Variants in C11orf65 observed in about 807,000 individuals in gnomAD.
C11orf65 encodes protein MFI.
C11orf65 carries 38 observed loss-of-function variants against 35.3 expected under a neutral mutation model. The observed-to-expected ratio is 1.08, with a 90% CI of 0.83 to 1.41. The LOEUF is 1.41. Ranked by LOEUF, C11orf65 falls within the 40% of genes most tolerant of loss-of-function variation. C11orf65 has a pLI of 0.00. For missense variants in C11orf65, 370 were observed against 367.1 expected (o/e 1.01, Z -0.06); for synonymous variants, 105 against 114.4 (o/e 0.92, Z 0.53).
chr11:108,376,630 A>G (rs1428435021), intron 2 of C11orf65, among the ~76,000 whole-genome samples: 1 of 152,048 alleles, frequency 6.6e-6, no homozygotes, highest in Non-Finnish European at 1.5e-5. Flanking sequence ...AACTAAAATC[A>G]GAGCAGAACT....
At chr11:108,355,144 T>G in intron 2 of C11orf65, 1 of 460,732 alleles carries the variant, frequency 2.2e-6, no homozygotes, top group Non-Finnish European at 4.0e-6. Flanking sequence ...TCTTTGACAT[T>G]TAGATATTCC....
intron 6 of C11orf65, among the ~76,000 whole-genome samples, chr11:108,394,158 C>T (rs1056305214): frequency 5.3e-5 from 7 of 130,954 alleles, no homozygotes; most frequent in Admixed American, 4.9e-4. Flanking sequence ...CCAGCCTGGG[C>T]GACAGAGCAA....
At chr11:108,444,972 C>T (rs528020624) in intron 2 of C11orf65, among the ~76,000 whole-genome samples, 3 of 152,280 alleles carry the variant, frequency 2.0e-5, no homozygotes, top group South Asian at 2.1e-4. Flanking sequence ...ACACATGGCT[C>T]GGAGGGTCCT....
chr11:108,424,094 A>G (rs914298575), intron 3 of C11orf65, among the ~76,000 whole-genome samples: 31 of 152,268 alleles, frequency 2.0e-4, no homozygotes, highest in East Asian at 7.7e-4. Context: ...TAGAAGGTGG[A>G]TAACAAACTC....
intron 6 of C11orf65, among the ~76,000 whole-genome samples, chr11:108,318,662 C>T (rs1261357004): frequency 1.3e-5 from 2 of 152,046 alleles, no homozygotes; most frequent in African/African-American, 4.8e-5. Context: ...GCACCCCAGC[C>T]TGGGCGACAG....
At chr11:108,464,016 T>A (rs1170231456) in intron 1 of C11orf65, among the ~76,000 whole-genome samples, 1 of 142,468 alleles carries the variant, frequency 7.0e-6, no homozygotes, top group East Asian at 2.2e-4. Context: ...AACCTCCACC[T>A]CCCGGGTTCA....
chr11:108,418,039 T>C (rs1026769799), intron 3 of C11orf65, among the ~76,000 whole-genome samples: 1 of 151,728 alleles, frequency 6.6e-6, no homozygotes, highest in African/African-American at 2.4e-5. Context: ...GGACACACTT[T>C]ATAATGATAA....
chr11:108,413,939 G>A (rs2092693894), intron 3 of C11orf65, among the ~76,000 whole-genome samples: 1 of 152,046 alleles, frequency 6.6e-6, no homozygotes, highest in Non-Finnish European at 1.5e-5. Context: ...AAAATTTATA[G>A]TACTGAATGT....
At chr11:108,468,554 C>A (rs1363357083), upstream of C11orf65, among the ~76,000 whole-genome samples, 1 of 152,080 alleles carries the variant, frequency 6.6e-6, no homozygotes, top group Non-Finnish European at 1.5e-5. Context: ...AAAGAAACAC[C>A]TGAAGAGAAA....
intron 6 of C11orf65, 100 bp from the exon 7 acceptor site, chr11:108,393,478 T>C (rs2092219546): frequency 1.8e-6 from 2 of 1,113,528 alleles, no homozygotes; most frequent in East Asian, 2.5e-5. Context: ...ATTAAAACTA[T>C]TTGCATATTG....
intron 1 of C11orf65, among the ~76,000 whole-genome samples, chr11:108,466,743 TTTCAC>T (rs2093543949): frequency 6.6e-6 from 1 of 152,252 alleles, no homozygotes; most frequent in Non-Finnish European, 1.5e-5. Context: ...TAGATGATGT[TTTCAC>T]TTATTTATTT....
intron 2 of C11orf65, among the ~76,000 whole-genome samples, chr11:108,350,941 ATG>A (rs2089129547): frequency 6.6e-6 from 1 of 152,224 alleles, no homozygotes; most frequent in Admixed American, 6.5e-5. Context: ...TCCAACACAA[ATG>A]CATACATATG....
chr11:108,391,938 G>T (rs1008820539), intron 7 of C11orf65, among the ~76,000 whole-genome samples: 1 of 151,592 alleles, frequency 6.6e-6, no homozygotes, highest in Non-Finnish European at 1.5e-5. Context: ...TTTTTAAATA[G>T]AGGCGCTGTC....
At chr11:108,356,666 G>T (rs1054999177) in intron 2 of C11orf65, among the ~76,000 whole-genome samples, 2 of 152,006 alleles carry the variant, frequency 1.3e-5, no homozygotes, top group Non-Finnish European at 2.9e-5. Flanking sequence ...GGTGGATTTG[G>T]GAGTTTCTTC....
At chr11:108,385,824 C>T in intron 8 of C11orf65, 96 bp downstream of exon 8, 1 of 953,536 alleles carries the variant, frequency 1.0e-6, no homozygotes, top group Admixed American at 2.0e-5. Context: ...ATATACTATG[C>T]AGATTACTGA....
chr11:108,445,607 C>CA (rs1487403794), intron 2 of C11orf65, among the ~76,000 whole-genome samples: 3 of 152,004 alleles, frequency 2.0e-5, no homozygotes, highest in Non-Finnish European at 2.9e-5. Flanking sequence ...ACATCCACAC[C>CA]AAAAACCCAT....
chr11:108,353,155 A>T (rs2089414777), intron 2 of C11orf65, among the ~76,000 whole-genome samples: 1 of 147,626 alleles, frequency 6.8e-6, no homozygotes, highest in African/African-American at 2.5e-5. Flanking sequence ...AATGTCATTA[A>T]TTTTTTTTTT....
chr11:108,399,581 G>A (rs2092397444), intron 6 of C11orf65, among the ~76,000 whole-genome samples: 1 of 152,144 alleles, frequency 6.6e-6, no homozygotes, highest in Non-Finnish European at 1.5e-5. Flanking sequence ...CTTGTCATGG[G>A]GACTTCCTAT....
intron 2 of C11orf65, among the ~76,000 whole-genome samples, chr11:108,452,140 C>T (rs537088736): frequency 6.6e-6 from 1 of 152,086 alleles, no homozygotes; most frequent in South Asian, 2.1e-4. Flanking sequence ...GCAACAAAAG[C>T]CAAAATTGAC....
Sources: allele counts gnomAD v4.1 joint callset (sites outside exome capture counted in the v4.1 genomes callset), GRCh38; gene constraint gnomAD v4.1.1; transcripts MANE v1.5; gene names NCBI Gene and HGNC (gene_info 2026-07-23, HGNC 2026-07-21).